WWOX: variants seen among roughly 807,000 people sequenced by gnomAD.
WWOX encodes the protein WW domain containing oxidoreductase, also known as WW domain-containing oxidoreductase.
In WWOX, 69 loss-of-function variants were observed where a neutral mutation model predicts 46.2. The ratio of observed to expected loss-of-function variants is 1.49; its 90% CI spans 1.23 to 1.82. The LOEUF (loss-of-function observed/expected upper bound fraction) is 1.82. Among genes scored for constraint, WWOX ranks in the 40% most tolerant of loss-of-function variants. The pLI, the probability that WWOX is intolerant of heterozygous loss-of-function variation, is 0.00. For synonymous variants in WWOX, 359 were observed against 202.6 expected (o/e 1.77, Z -6.56); for missense variants, 919 against 542.6 (o/e 1.69, Z -6.89).
At chr16:78,867,553 T>A (rs1346492998) in intron 8 of WWOX, among the ~76,000 whole-genome samples, 4 of 151,848 alleles carry the variant, frequency 2.6e-5, no homozygotes, top group African/African-American at 9.7e-5. Context: ...GTTTTTGTTT[T>A]TTTTTAAGAC....
intron 5 of WWOX, among the ~76,000 whole-genome samples, chr16:78,382,323 C>T (rs181416391): frequency 1.3e-5 from 2 of 152,198 alleles, no homozygotes; most frequent in African/African-American, 4.8e-5. Flanking sequence ...TGAGATGCCA[C>T]GTGTAACTCA....
At chr16:78,323,536 A>G (rs1056544411) in intron 5 of WWOX, among the ~76,000 whole-genome samples, 1 of 152,154 alleles carries the variant, frequency 6.6e-6, no homozygotes, top group African/African-American at 2.4e-5. Context: ...CTAATAGGTT[A>G]CTGGGTTTGA....
At chr16:78,509,908 T>A (rs886129589) in intron 8 of WWOX, among the ~76,000 whole-genome samples, 1 of 140,016 alleles carries the variant, frequency 7.1e-6, no homozygotes, top group Non-Finnish European at 1.5e-5. Context: ...GGCAACATAG[T>A]GAGACCTCAT....
chr16:78,411,885 G>T (rs1438932085), intron 6 of WWOX, among the ~76,000 whole-genome samples: 1 of 152,210 alleles, frequency 6.6e-6, no homozygotes, highest in East Asian at 1.9e-4. Context: ...ACTGTTCCCA[G>T]AGGAGAGCGG....
chr16:78,340,708 C>G (rs2080997159), intron 5 of WWOX, among the ~76,000 whole-genome samples: 1 of 118,954 alleles, frequency 8.4e-6, no homozygotes. Flanking sequence ...GTTGGCAGAA[C>G]AAATATCCCA....
chr16:78,325,616 T>A (rs923977087), intron 5 of WWOX, among the ~76,000 whole-genome samples: 3 of 152,220 alleles, frequency 2.0e-5, no homozygotes, highest in Non-Finnish European at 4.4e-5. Flanking sequence ...AGTAATGAGA[T>A]CAGAAGGAGG....
At chr16:78,487,673 C>A (rs1364299135) in intron 8 of WWOX, among the ~76,000 whole-genome samples, 1 of 152,046 alleles carries the variant, frequency 6.6e-6, no homozygotes, top group Admixed American at 6.5e-5. Context: ...CCATTAGATA[C>A]CATCTCTCCC....
At chr16:78,725,604 C>T (rs1002890614) in intron 8 of WWOX, among the ~76,000 whole-genome samples, 2 of 151,916 alleles carry the variant, frequency 1.3e-5, no homozygotes. Flanking sequence ...GCCTCAGCCT[C>T]CCAAAGTCAG....
At chr16:78,541,533 C>A (rs1396914359) in intron 8 of WWOX, among the ~76,000 whole-genome samples, 1 of 125,018 alleles carries the variant, frequency 8.0e-6, no homozygotes, top group African/African-American at 3.0e-5. Flanking sequence ...AATGTTCTGA[C>A]AGAAATACAC....
intron 8 of WWOX, among the ~76,000 whole-genome samples, chr16:78,812,655 G>A (rs537446916): frequency 1.8e-4 from 27 of 152,188 alleles, no homozygotes; most frequent in African/African-American, 6.5e-4. Context: ...GAACCCAGGA[G>A]GCGAAGGTTG....
At chr16:78,865,677 C>G (rs1028109734) in intron 8 of WWOX, among the ~76,000 whole-genome samples, 1 of 152,038 alleles carries the variant, frequency 6.6e-6, no homozygotes, top group Admixed American at 6.6e-5. Flanking sequence ...GTCAGGAGTT[C>G]GACACCAGCC....
intron 6 of WWOX, among the ~76,000 whole-genome samples, chr16:78,414,251 G>T (rs147201624): frequency 6.6e-6 from 1 of 152,002 alleles, no homozygotes; most frequent in East Asian, 1.9e-4. Context: ...TTCAAACTCC[G>T]TCTGCCTGCA....
intron 8 of WWOX, chr16:78,873,594 CT>C (rs1284755904): frequency 1.3e-5 from 2 of 151,898 alleles, no homozygotes; most frequent in African/African-American, 4.8e-5. Flanking sequence ...GGAGGCTAGC[CT>C]GGGGAACATA....
chr16:79,098,506 C>T (rs773387658), intron 8 of WWOX, among the ~76,000 whole-genome samples: 2 of 152,254 alleles, frequency 1.3e-5, no homozygotes, highest in African/African-American at 2.4e-5. Flanking sequence ...TCACCCCTTC[C>T]CTGGTACTGA....
At chr16:79,019,517 C>T (rs2550719) in intron 8 of WWOX, among the ~76,000 whole-genome samples, 151,995 of 152,224 alleles carry the variant, frequency 1, 75,883 homozygotes, top group Middle Eastern at 1. Context: ...ATCATATATG[C>T]AGTCTGTCAT....
At chr16:78,727,741 T>G (rs908958595) in intron 8 of WWOX, among the ~76,000 whole-genome samples, 3 of 152,096 alleles carry the variant, frequency 2.0e-5, no homozygotes, top group Non-Finnish European at 4.4e-5. Flanking sequence ...GACTTGGGGA[T>G]TGGACTCCAT....
chr16:78,343,506 G>T (rs1172440559), intron 5 of WWOX, among the ~76,000 whole-genome samples: 1 of 120,852 alleles, frequency 8.3e-6, no homozygotes, highest in African/African-American at 2.8e-5. Context: ...GTAAGGTGAT[G>T]CTCTGAGCTG....
chr16:78,766,835 A>G (rs1321910451), intron 8 of WWOX, among the ~76,000 whole-genome samples: 3 of 152,178 alleles, frequency 2.0e-5, no homozygotes, highest in African/African-American at 7.2e-5. Context: ...TATAAGTGTA[A>G]AATTCATAGT....
chr16:78,245,087 C>A (rs1051739873), intron 5 of WWOX, among the ~76,000 whole-genome samples: 1 of 152,180 alleles, frequency 6.6e-6, no homozygotes, highest in Admixed American at 6.5e-5. Flanking sequence ...AATTCTCCTC[C>A]TGCAATTCAA....
Sources: allele counts gnomAD v4.1 joint callset (sites outside exome capture counted in the v4.1 genomes callset), GRCh38; gene constraint gnomAD v4.1.1; transcripts MANE v1.5; gene names NCBI Gene and HGNC (gene_info 2026-07-23, HGNC 2026-07-21).